ERN2: variants seen among roughly 807,000 people sequenced by gnomAD.
The protein encoded by ERN2 is endoplasmic reticulum to nucleus signaling 2, also known as serine/threonine-protein kinase/endoribonuclease IRE2.
ERN2 carries 111 observed loss-of-function variants against 107.9 expected under a neutral mutation model. The ratio of observed to expected loss-of-function variants is 1.03; its 90% confidence interval spans 0.88 to 1.20. The LOEUF (loss-of-function observed/expected upper bound fraction) is 1.20, where lower values mean the gene tolerates loss of function less well. Among genes scored for constraint, ERN2 ranks in the 50% most tolerant of loss-of-function variants. ERN2 has a pLI of 0.00. For synonymous variants in ERN2, 524 were observed against 501.7 expected, an observed-to-expected ratio of 1.04 and a Z score of -0.59; for missense variants, 1,225 against 1,197.9, an observed-to-expected ratio of 1.02 and a Z score of -0.33.
chr16:23,694,601 T>C (rs914812855), intron 17 of ERN2, 127 bp downstream of exon 17: 2 of 789,178 alleles, frequency 2.5e-6, no homozygotes, highest in African/African-American at 1.7e-5. Context: ...GGAAACAAGC[T>C]TGGAGGAGCA....
chr16:23,707,033 C>T lies in ERN2; in HGVS notation c.353G>A (p.Arg118His), dbSNP rs764260834. The T allele has an allele frequency of 2.5e-5, 40 of 1,614,040 alleles. No individual in the cohort carries two copies. Among genetic ancestry groups the T allele is most frequent in the Middle Eastern group, 3.3e-4 (2 of 6,062 alleles). ...TGTGTAGAAGACCCCATCAGAGCTG[C>T]GGCAGGGAGAGGCATGAACCAGCTC... ...IPELVHASPC[R>H]SSDGVFYTGR... is the part of the protein sequence containing the mutation. Residue 118 changes from arginine (R) to histidine (H), a missense_variant, in exon 5 of 22, where the codon CGC becomes CAC. Transcript: ENST00000256797.
intron 13 of ERN2, among the ~76,000 whole-genome samples, chr16:23,700,294 G>A (rs142696491): frequency 2.0e-3 from 306 of 152,254 alleles, no homozygotes; most frequent in African/African-American, 6.8e-3. Flanking sequence ...CTATGATTGT[G>A]CCACTGTACT....
chr16:23,693,589 C>CAA (rs765586188), intron 17 of ERN2, among the ~76,000 whole-genome samples: 37 of 134,970 alleles, frequency 2.7e-4, no homozygotes, highest in African/African-American at 7.7e-4. Flanking sequence ...AACTCCATCT[C>CAA]AAAAAAAAAA....
chr16:23,691,388 T>C lies in ERN2; in HGVS notation c.2414A>G (p.Glu805Gly), dbSNP rs746843618. ...CGCCTCCAGTGCCCTCACCAGGGGC[T>C]CCTGCTCGGACTCCTTCTCCAGCCA... is the stretch of plus-strand genomic sequence containing the variant. ...SDWLEKESEQ[E>G]PLVRALEAGG... is the part of the protein sequence containing the mutation. The change falls in exon 20 of 22, where the codon GAG becomes GGG. Residue 805 changes from glutamate (E) to glycine (G), a missense_variant. Physicochemically the swap from Glu to Gly is moderately conservative, Grantham distance 98. Transcript: ENST00000256797. 8 of 1,600,948 alleles carry C rather than the reference T, an allele frequency of 5.0e-6. No individual in the cohort carries two copies. The highest frequency in any genetic ancestry group is 6.8e-6 in the Non-Finnish European group (8 of 1,179,810).
intron 6 of ERN2, 94 bp downstream of exon 6, chr16:23,706,660 G>C (rs1960327677): frequency 4.5e-6 from 4 of 893,480 alleles, no homozygotes; most frequent in Non-Finnish European, 7.3e-6. Context: ...CAGACTGACT[G>C]TCCTGAATTC....
intron 11 of ERN2, among the ~76,000 whole-genome samples, chr16:23,701,843 C>T (rs1960081048): frequency 6.6e-6 from 1 of 151,674 alleles, no homozygotes; most frequent in Non-Finnish European, 1.5e-5. Flanking sequence ...GTTATATTAC[C>T]CAGGCTGGTC....
At chr16:23,709,107 T>A in intron 4 of ERN2, 1 of 449,660 alleles carries the variant, frequency 2.2e-6, no homozygotes, top group Non-Finnish European at 4.4e-6. Context: ...CTTAAGACTT[T>A]TCTAGCAGGC....
intron 17 of ERN2, 61 bp downstream of exon 17, chr16:23,694,666 AG>A: frequency 7.1e-7 from 1 of 1,403,586 alleles, no homozygotes; most frequent in Non-Finnish European, 9.6e-7. Flanking sequence ...GAACTGGGAC[AG>A]GGACGGATTC....
chr16:23,694,653 G>T, intron 17 of ERN2, 75 bp downstream of exon 17: 2 of 1,281,048 alleles, frequency 1.6e-6, no homozygotes, highest in Non-Finnish European at 2.1e-6. Context: ...CTCCTCAGGA[G>T]GGGAACTGGG....
intron 1 of ERN2, among the ~76,000 whole-genome samples, chr16:23,711,382 G>A (rs1048113624): frequency 6.6e-6 from 1 of 152,090 alleles, no homozygotes; most frequent in Non-Finnish European, 1.5e-5. Context: ...TATAAGACAG[G>A]GTCTTGCTCT....
At position 23,706,721 on chromosome 16, in the gene ERN2, C is replaced by G. The variant is rs753476553; in HGVS notation, c.487+33G>C. 4.1e-6 allele frequency: 6 copies of G among 1,463,990 alleles called. No individual in the cohort carries two copies. The East Asian group carries it at 1.4e-4, about 33-fold the overall frequency. 90.7% of individuals were successfully genotyped at this position (1,463,990 alleles called of 1,614,324 possible). On this transcript the variant is annotated intron_variant, in intron 6 of 21. Transcript: ENST00000256797. ...CAGCAGAGCAAAAGGGGAGGCTGCCCAGAGCTTGAGGAACAGCTGGGGCCC... is the reference window on the plus strand; with the variant it reads ...CAGCAGAGCAAAAGGGGAGGCTGCCGAGAGCTTGAGGAACAGCTGGGGCCC...
In ERN2 at chr16:23,690,710, CT is replaced by C. The variant is rs1959548486; in HGVS notation, c.*120del. On this transcript the variant is annotated 3_prime_UTR_variant, in exon 22 of 22. Transcript: ENST00000256797. ...AGCTCAAGTGATCCTCTCACTCAGCCTCCCAAAATGCTGGGATTACAGGTGT... is the reference window on the plus strand; with the variant it reads ...AGCTCAAGTGATCCTCTCACTCAGCCCCCAAAATGCTGGGATTACAGGTGT... The C allele has an allele frequency of 2.5e-5, 19 of 768,824 alleles. No homozygotes were observed. The South Asian group carries it at 3.2e-4, about 13-fold the overall frequency. The allele number at this position is 768,824 out of a possible 1,614,324, so 47.6% of individuals were successfully genotyped here. A position where few individuals can be genotyped will look rare whatever the true frequency, so the allele number is the denominator to read the frequency against.
intron 17 of ERN2, among the ~76,000 whole-genome samples, chr16:23,693,601 A>AATATATAT (rs1555466491): frequency 3.4e-5 from 5 of 147,730 alleles, no homozygotes; most frequent in African/African-American, 1.0e-4. Flanking sequence ...AAAAAAAAAA[A>AATATATAT]ATATATATAT....
Position 23,691,377 on chromosome 16 carries a change from T to C in ERN2, c.2425A>G (p.Arg809Gly). The change falls in exon 20 of 22, where the codon AGG (arginine) becomes GGG (glycine). Residue 809 changes from arginine to glycine, a missense_variant. By Grantham distance (125) the Arg-to-Gly change is moderately radical (BLOSUM62 -2). Coordinates refer to ENST00000256797, the MANE Select transcript of ERN2 (RefSeq NM_033266.4). ...GCGCAGCCTCCCGCCTCCAGTGCCCTCACCAGGGGCTCCTGCTCGGACTCC... is the reference window on the plus strand; with the variant it reads ...GCGCAGCCTCCCGCCTCCAGTGCCCCCACCAGGGGCTCCTGCTCGGACTCC... ...EKESEQEPLV[R>G]ALEAGGCAVV... 1 of 1,602,490 alleles carries C rather than the reference T, an allele frequency of 6.2e-7. No homozygotes were observed. Among genetic ancestry groups the C allele is most frequent in the Non-Finnish European group, 8.5e-7 (1 of 1,179,872 alleles).
chr16:23,713,166 AC>A lies in ERN2; in HGVS notation c.21del (p.Ser8ArgfsTer21), dbSNP rs1960613651. Reference protein sequence around the residue: MASAVRGSRPWPRLGLQ... With the variant: MASAVRXSRPWPRLGLQ... ...AGCCCCAGCCGGGGCCACGGCCTCG[AC>A]CCCCTGACCGCACTCGCCATAGCGC... On this transcript the variant is annotated frameshift_variant, in exon 1 of 22. Transcript: ENST00000256797. LOFTEE classifies it high-confidence loss of function. 3.2e-6 allele frequency: 5 copies of A among 1,574,462 alleles called. No homozygotes were observed. Among genetic ancestry groups the A allele is most frequent in the Non-Finnish European group, 3.4e-6 (4 of 1,166,544 alleles).
intron 4 of ERN2, chr16:23,709,961 T>G (rs1960475216): frequency 3.6e-6 from 2 of 548,080 alleles, no homozygotes; most frequent in Non-Finnish European, 6.6e-6. Context: ...ACCTCCAGCT[T>G]GATAGTCAGA....
chr16:23,691,181 C>G lies in ERN2; in HGVS notation c.2516G>C (p.Arg839Pro). ...TCGCACTGATGTCCCCTTATAGGACCGGAACTTTCTCAGATCTGTGGACAG... is the reference window on the plus strand; with the variant it reads ...TCGCACTGATGTCCCCTTATAGGACGGGAACTTTCTCAGATCTGTGGACAG... ...MPLQTDLRKF[R>P]SYKGTSVRDL... Residue 839 changes from arginine (R) to proline (P), a missense_variant, in exon 21 of 22, where the codon CGG (arginine) becomes CCG (proline). Physicochemically the swap from Arg to Pro is moderately radical, Grantham distance 103 (BLOSUM62 -2). Transcript: ENST00000256797. 6.2e-7 allele frequency: 1 copy of G among 1,614,102 alleles called. No homozygotes were observed. The highest frequency in any genetic ancestry group is 8.5e-7 in the Non-Finnish European group (1 of 1,180,010).
intron 4 of ERN2, 109 bp downstream of exon 4, chr16:23,710,063 A>G (rs1178991176): frequency 1.3e-6 from 1 of 758,228 alleles, no homozygotes; most frequent in Non-Finnish European, 2.3e-6. Flanking sequence ...CCTGACTTAT[A>G]TCCTCTGCAG....
At chr16:23,706,624 T>C in intron 6 of ERN2, 130 bp downstream of exon 6, 1 of 773,304 alleles carries the variant, frequency 1.3e-6, no homozygotes, top group Non-Finnish European at 2.2e-6. Context: ...AGTTCAGTGC[T>C]CTGTAGAATG....
Sources: gnomAD v4.1 joint callset for allele counts (sites outside exome capture counted in the v4.1 genomes callset) on GRCh38, gnomAD v4.1.1 for gene constraint, MANE v1.5 for transcripts, NCBI Gene and HGNC (gene_info 2026-07-23, HGNC 2026-07-21) for gene names.